ARID1A: variants seen among roughly 807,000 people sequenced by gnomAD.
ARID1A encodes AT-rich interaction domain 1A, also known as AT-rich interactive domain-containing protein 1A.
In ARID1A, 20 loss-of-function variants were observed where a neutral mutation model predicts 212.6. The ratio of observed to expected loss-of-function variants is 0.09; its 90% CI spans 0.07 to 0.14. ARID1A has a LOEUF of 0.14. Among genes scored for constraint, ARID1A ranks in the 10% least tolerant of loss-of-function variants. ARID1A has a pLI of 1.00. For missense variants in ARID1A, 2,587 were observed against 3,059.0 expected, an observed-to-expected ratio of 0.85 and a Z score of 3.64; for synonymous variants, 1,376 against 1,222.1, an observed-to-expected ratio of 1.13 and a Z score of -2.63.
chr1:26,772,651 G>T lies in ARID1A; in HGVS notation c.3539+19G>T, dbSNP rs376632129. ...GCATGAGGTAAGGCCAAGAGCAGGG[G>T]CAGATGGTTGGGAGGATGGCTGAAG... On this transcript the variant is annotated intron_variant, in intron 13 of 19. Coordinates refer to ENST00000324856, the MANE Select transcript of ARID1A (RefSeq NM_006015.6). The T allele has an allele frequency of 6.2e-7, 1 of 1,614,198 alleles. No homozygotes were observed. Among genetic ancestry groups the T allele is most frequent in the Non-Finnish European group, 8.5e-7 (1 of 1,180,036 alleles).
intron 4 of ARID1A, among the ~76,000 whole-genome samples, chr1:26,757,231 A>T (rs977036423): frequency 4.0e-5 from 6 of 149,412 alleles, no homozygotes; most frequent in Admixed American, 1.3e-4. Context: ...AAAAAAAAAA[A>T]TGCTGAGGCG....
intron 1 of ARID1A, among the ~76,000 whole-genome samples, chr1:26,709,692 G>A (rs1557579431): frequency 1.3e-5 from 2 of 148,382 alleles, no homozygotes; most frequent in South Asian, 4.3e-4. Context: ...TGTTTCCCAG[G>A]CTGGAGTGCA....
At position 26,697,275 on chromosome 1, in the gene ARID1A, C is replaced by T; in HGVS notation, c.872C>T (p.Ala291Val). 6 of 1,364,460 alleles carry T rather than the reference C, an allele frequency of 4.4e-6. No homozygotes were observed. Among genetic ancestry groups the T allele is most frequent in the Non-Finnish European group, 5.6e-6 (6 of 1,065,612 alleles). 84.5% of individuals were successfully genotyped at this position (1,364,460 alleles called of 1,614,324 possible). A position where few individuals can be genotyped will look rare whatever the true frequency, so the allele number is the denominator to read the frequency against. The change falls in exon 1 of 20, where the codon GCC becomes GTC. Residue 291 changes from alanine to valine, a missense_variant. Physicochemically the swap from Ala to Val is moderately conservative, Grantham distance 64 (BLOSUM62 0). This residue lies in a region of ARID1A where 735 missense variants were observed against 590.6 expected (regional missense o/e 1.24). Coordinates refer to ENST00000324856, the MANE Select transcript of ARID1A (RefSeq NM_006015.6). The part of the protein sequence containing the change: ...AAGGGTPQPT[A>V]TPTLNQLLTS... ...GGCGGGGGAACTCCCCAGCCCACCG[C>T]CACCCCCACCCTCAACCAACTGCTC...
intron 2 of ARID1A, 56 bp from the exon 3 acceptor site, chr1:26,731,096 T>A: frequency 6.5e-7 from 1 of 1,538,092 alleles, no homozygotes; most frequent in East Asian, 2.3e-5. Flanking sequence ...ACAAAACACT[T>A]CATCTTTCCT....
At position 26,781,335 on chromosome 1, in the gene ARID1A, G is replaced by A. The variant is rs1289460947; in HGVS notation, c.*579G>A. 4.3e-6 allele frequency: 1 copy of A among 233,350 alleles called. No individual in the cohort carries two copies. Among genetic ancestry groups the A allele is most frequent in the Non-Finnish European group, 8.5e-6 (1 of 118,058 alleles). The allele number at this position is 233,350 out of a possible 1,614,324, so 14.5% of individuals were successfully genotyped here. Reference sequence around the variant, plus strand: ...TGCAGTAGAGTGTAGACCCTTTCATGTACTGTACTGTACACCTGATACTGT... The same window carrying A: ...TGCAGTAGAGTGTAGACCCTTTCATATACTGTACTGTACACCTGATACTGT... On this transcript the variant is annotated 3_prime_UTR_variant, in exon 20 of 20. Transcript: ENST00000324856.
At chr1:26,766,144 C>A (rs970781303) in intron 8 of ARID1A, 77 bp from the exon 9 acceptor site, 1 of 1,498,630 alleles carries the variant, frequency 6.7e-7, no homozygotes, top group South Asian at 1.3e-5. Flanking sequence ...GATCACACAG[C>A]ACTATTTGGC....
At chr1:26,726,178 T>TG (rs1444396326) in intron 1 of ARID1A, among the ~76,000 whole-genome samples, 60 of 147,642 alleles carry the variant, frequency 4.1e-4, no homozygotes, top group African/African-American at 1.3e-3. Context: ...TTTTTTGTTT[T>TG]TTTTTTTTTT....
At position 26,696,634 on chromosome 1, in the gene ARID1A, C is replaced by T. The variant is rs1190102411; in HGVS notation, c.231C>T (p.Ala77=). 6.2e-6 allele frequency: 8 copies of T among 1,289,474 alleles called. No individual in the cohort carries two copies. The highest frequency in any genetic ancestry group is 3.0e-4 in the Middle Eastern group (1 of 3,336). 79.9% of individuals were successfully genotyped at this position (1,289,474 alleles called of 1,614,324 possible). A position where few individuals can be genotyped will look rare whatever the true frequency, so the allele number is the denominator to read the frequency against. ...TGGGAAAGGAGCTGCAGGACGGGGC[C>T]GAGAGCAATGGGGGTGGCGGCGGCG... ...QPLGKELQDG[A]ESNGGGGGGG... is the part of the protein sequence containing the mutation. The change falls in exon 1 of 20, where the codon GCC becomes GCT. Residue 77 remains alanine, a synonymous_variant. Coordinates refer to ENST00000324856, the MANE Select transcript of ARID1A (RefSeq NM_006015.6).
intron 13 of ARID1A, 77 bp downstream of exon 13, chr1:26,772,709 T>C: frequency 6.2e-7 from 1 of 1,609,882 alleles, no homozygotes; most frequent in Non-Finnish European, 8.5e-7. Flanking sequence ...CAGCCCAAGG[T>C]GGTCCTTGCC....
intron 8 of ARID1A, among the ~76,000 whole-genome samples, chr1:26,763,661 C>T (rs2081013658): frequency 2.0e-5 from 3 of 152,216 alleles, no homozygotes; most frequent in East Asian, 1.9e-4. Context: ...TCCCGGCTAT[C>T]GGGAGGCTGA....
At chr1:26,736,120 C>T (rs2080726982) in intron 4 of ARID1A, among the ~76,000 whole-genome samples, 2 of 151,374 alleles carry the variant, frequency 1.3e-5, no homozygotes, top group South Asian at 4.2e-4. Context: ...GTCAGGAGAT[C>T]GAGACCATCC....
chr1:26,731,725 C>A, intron 3 of ARID1A, 121 bp downstream of exon 3: 1 of 1,094,286 alleles, frequency 9.1e-7, no homozygotes, highest in Non-Finnish European at 1.3e-6. Context: ...ACCAATTAAA[C>A]TCTGGGTAAA....
At chr1:26,711,941 G>A (rs189877399) in intron 1 of ARID1A, among the ~76,000 whole-genome samples, 1 of 151,970 alleles carries the variant, frequency 6.6e-6, no homozygotes, top group Admixed American at 6.5e-5. Context: ...AATCAGCCAG[G>A]CATGGTGATG....
chr1:26,745,756 C>T (rs2080830244), intron 4 of ARID1A, among the ~76,000 whole-genome samples: 1 of 152,150 alleles, frequency 6.6e-6, no homozygotes, highest in Non-Finnish European at 1.5e-5. Context: ...GCAAAAAGAT[C>T]CTTTAAGAAA....
chr1:26,770,899 A>C, intron 11 of ARID1A: 1 of 570,998 alleles, frequency 1.8e-6, no homozygotes, highest in South Asian at 2.2e-5. Context: ...GAATAAGCAC[A>C]GTCTGATAGT....
rs2124108026 is a variant in ARID1A at position 26,772,965 on chromosome 1, T to A, written c.3693T>A (p.Asp1231Glu). Residue 1231 changes from aspartate (D) to glutamate (E), a missense_variant, in exon 14 of 20, where the codon GAT becomes GAA. Physicochemically the swap from Asp to Glu is conservative, Grantham distance 45. Transcript: ENST00000324856. ...MGRMSYEPNK[D>E]PYGSMRKAPG... ...GCATGTCCTATGAGCCAAATAAGGA[T>A]CCTTATGGCAGCATGAGGAAAGGTG... is the stretch of plus-strand genomic sequence containing the variant. 1 of 1,610,992 alleles carries A rather than the reference T, an allele frequency of 6.2e-7. No individual in the cohort carries two copies. Among genetic ancestry groups the A allele is most frequent in the Non-Finnish European group, 8.5e-7 (1 of 1,177,712 alleles).
intron 4 of ARID1A, among the ~76,000 whole-genome samples, chr1:26,748,722 G>T (rs1459718379): frequency 6.6e-6 from 1 of 150,810 alleles, no homozygotes; most frequent in Non-Finnish European, 1.5e-5. Context: ...AGAAGCCTTT[G>T]GGGGGCAGGG....
intron 1 of ARID1A, among the ~76,000 whole-genome samples, chr1:26,708,041 A>G (rs768592674): frequency 6.6e-6 from 1 of 152,276 alleles, no homozygotes; most frequent in Non-Finnish European, 1.5e-5. Flanking sequence ...ACAATTTGAC[A>G]TCGTGCCTAG....
chr1:26,750,488 C>A (rs1411130696), intron 4 of ARID1A, among the ~76,000 whole-genome samples: 1 of 152,048 alleles, frequency 6.6e-6, no homozygotes, highest in Non-Finnish European at 1.5e-5. Context: ...TAGAAAGGAG[C>A]CTTCCCGTCT....
Sources: gnomAD v4.1 joint callset for allele counts (sites outside exome capture counted in the v4.1 genomes callset) on GRCh38, gnomAD v4.1.1 for gene constraint, gnomAD v4.1.1 regional missense constraint, MANE v1.5 for transcripts, NCBI Gene and HGNC (gene_info 2026-07-23, HGNC 2026-07-21) for gene names.